Variants in STK32A observed in about 807,000 individuals in gnomAD.
STK32A encodes the protein serine/threonine-protein kinase 32A.
In STK32A, 41 loss-of-function variants were observed where a neutral mutation model predicts 53.2. The observed-to-expected ratio is 0.77, with a 90% CI of 0.60 to 1.00. The LOEUF (loss-of-function observed/expected upper bound fraction) is 1.00. Among genes scored for constraint, STK32A ranks in the 50% least tolerant of loss-of-function variants. The pLI, the probability that STK32A is intolerant of heterozygous loss-of-function variation, is 0.00. For synonymous variants in STK32A, 166 were observed against 162.8 expected, an observed-to-expected ratio of 1.02 and a Z score of -0.15; for missense variants, 458 against 485.8, an observed-to-expected ratio of 0.94 and a Z score of 0.54.
At chr5:147,302,610 C>T (rs1040640485) in intron 4 of STK32A, among the ~76,000 whole-genome samples, 1 of 152,112 alleles carries the variant, frequency 6.6e-6, no homozygotes, top group East Asian at 1.9e-4. Flanking sequence ...AGGTACAAGA[C>T]TATAGGGAGG....
At chr5:147,235,432 G>A (rs926128259) in intron 1 of STK32A, among the ~76,000 whole-genome samples, 5 of 152,182 alleles carry the variant, frequency 3.3e-5, no homozygotes, top group Non-Finnish European at 4.4e-5. Flanking sequence ...ATATTTGCTG[G>A]GTTGAGACAA....
At position 147,279,353 on chromosome 5, in the gene STK32A, T is replaced by TCC; in HGVS notation, c.216_217dup (p.Gln73ProfsTer52). On this transcript the variant is annotated frameshift_variant, in exon 4 of 13. Coordinates refer to ENST00000397936, the MANE Select transcript of STK32A (RefSeq NM_001112724.2). LOFTEE classifies it high-confidence loss of function. Reference sequence around the variant, plus strand: ...GAAGTGAGAAATGTCTTCAAGGAACTCCAGATCATGCAGGGTCTGGAGCAC... The same window carrying TCC: ...GAAGTGAGAAATGTCTTCAAGGAACTCCCCAGATCATGCAGGGTCTGGAGCAC... 2.5e-6 allele frequency: 4 copies of TCC among 1,610,990 alleles called. No individual in the cohort carries two copies. Among genetic ancestry groups the TCC allele is most frequent in the Non-Finnish European group, 3.4e-6 (4 of 1,178,460 alleles).
chr5:147,362,540 C>A (rs1325924772), intron 8 of STK32A, among the ~76,000 whole-genome samples: 2 of 152,222 alleles, frequency 1.3e-5, no homozygotes, highest in Non-Finnish European at 2.9e-5. Context: ...AAGGCTTCAA[C>A]ATCTGAATTT....
At chr5:147,329,939 G>A (rs957912773) in intron 5 of STK32A, among the ~76,000 whole-genome samples, 8 of 152,326 alleles carry the variant, frequency 5.3e-5, no homozygotes, top group Admixed American at 2.0e-4. Context: ...GGAGGATGTC[G>A]TCTTCAGCAA....
intron 5 of STK32A, among the ~76,000 whole-genome samples, chr5:147,326,136 C>T (rs1259263003): frequency 6.6e-6 from 1 of 152,192 alleles, no homozygotes; most frequent in African/African-American, 2.4e-5. Context: ...CAATTTTTCC[C>T]CAAGGAGCTT....
At chr5:147,240,714 T>A (rs1463260602) in intron 2 of STK32A, among the ~76,000 whole-genome samples, 1 of 152,228 alleles carries the variant, frequency 6.6e-6, no homozygotes, top group East Asian at 1.9e-4. Flanking sequence ...AAATGAAAAC[T>A]ACAAATAACA....
chr5:147,383,495 A>T lies in STK32A; in HGVS notation c.1087A>T (p.Asn363Tyr). The change falls in exon 12 of 13, where the codon AAC becomes TAC. Residue 363 changes from asparagine (N) to tyrosine (Y), a missense_variant. Physicochemically the swap from Asn to Tyr is moderately radical, Grantham distance 143. Transcript: ENST00000397936. ...DSVQKEFIIF[N>Y]REKVNRDFNK... ...TGTCCAGAAGGAGTTCATAATTTTC[A>T]ACAGAGAAAAGTAAGTAATTCCTGG... 1 of 1,590,692 alleles carries T rather than the reference A, an allele frequency of 6.3e-7. No individual in the cohort carries two copies.
chr5:147,344,181 G>T (rs983503424), intron 6 of STK32A, among the ~76,000 whole-genome samples: 1 of 152,166 alleles, frequency 6.6e-6, no homozygotes, highest in South Asian at 2.1e-4. Flanking sequence ...GGATTTGCAA[G>T]TGGAACTGAA....
chr5:147,373,616 T>G (rs1352210815), intron 10 of STK32A, among the ~76,000 whole-genome samples: 1 of 152,080 alleles, frequency 6.6e-6, no homozygotes, highest in Non-Finnish European at 1.5e-5. Context: ...CTGCTGGGGT[T>G]TTTTTTAAGT....
downstream of STK32A, among the ~76,000 whole-genome samples, chr5:147,389,874 A>T (rs955350046): frequency 2.6e-5 from 4 of 152,118 alleles, no homozygotes; most frequent in Non-Finnish European, 4.4e-5. Flanking sequence ...CATCTCAAAT[A>T]AAATAATAAA....
At chr5:147,329,716 C>T (rs1754770727) in intron 5 of STK32A, among the ~76,000 whole-genome samples, 1 of 152,188 alleles carries the variant, frequency 6.6e-6, no homozygotes, top group African/African-American at 2.4e-5. Context: ...ATTGTAGCCT[C>T]TGGACCATGA....
intron 4 of STK32A, among the ~76,000 whole-genome samples, chr5:147,284,278 G>A (rs1480196851): frequency 6.6e-6 from 1 of 152,016 alleles, no homozygotes; most frequent in Admixed American, 6.6e-5. Flanking sequence ...AGGCCTTAAT[G>A]TAATAAAAGC....
intron 2 of STK32A, among the ~76,000 whole-genome samples, chr5:147,253,681 A>G (rs1303653431): frequency 4.6e-5 from 7 of 152,156 alleles, no homozygotes; most frequent in African/African-American, 7.2e-5. Context: ...ATGATGGTGA[A>G]AAATAATGTT....
At chr5:147,318,808 A>T (rs575310747) in intron 4 of STK32A, among the ~76,000 whole-genome samples, 1 of 151,606 alleles carries the variant, frequency 6.6e-6, no homozygotes, top group South Asian at 2.1e-4. Context: ...GGCCAAATCC[A>T]TATGCTTTTA....
intron 5 of STK32A, among the ~76,000 whole-genome samples, chr5:147,335,958 C>T (rs1456673120): frequency 6.6e-6 from 1 of 152,182 alleles, no homozygotes; most frequent in Non-Finnish European, 1.5e-5. Context: ...TAGTAAGCTG[C>T]ACAGTCGAGA....
downstream of STK32A, chr5:147,392,273 AG>A (rs917703300): frequency 2.0e-5 from 3 of 152,206 alleles, no homozygotes; most frequent in Non-Finnish European, 2.9e-5. Context: ...CCCTATTCTA[AG>A]GGGAAATAGT....
At chr5:147,263,006 A>AC (rs34608365) in intron 2 of STK32A, among the ~76,000 whole-genome samples, 45,058 of 151,996 alleles carry the variant, frequency 0.3, 7,042 homozygotes, top group African/African-American at 0.36. Context: ...AGACAAAAAA[A>AC]AATTCTCCAC....
At chr5:147,317,083 G>T (rs1333942567) in intron 4 of STK32A, among the ~76,000 whole-genome samples, 1 of 146,688 alleles carries the variant, frequency 6.8e-6, no homozygotes, top group Non-Finnish European at 1.5e-5. Flanking sequence ...ACAGAATACA[G>T]ACTTATTAAT....
At chr5:147,278,529 G>A (rs72823833) in intron 3 of STK32A, among the ~76,000 whole-genome samples, 6,047 of 152,180 alleles carry the variant, frequency 0.04, 186 homozygotes, top group Middle Eastern at 0.11. Context: ...CTTGTTTATG[G>A]AAGAGTTACT....
Sources: gnomAD v4.1 joint callset for allele counts (sites outside exome capture counted in the v4.1 genomes callset) on GRCh38, gnomAD v4.1.1 for gene constraint, MANE v1.5 for transcripts, NCBI Gene and HGNC (gene_info 2026-07-23, HGNC 2026-07-21) for gene names.